UEVLD: variants seen among roughly 807,000 people sequenced by gnomAD.
UEVLD encodes UEV and lactate/malate dehyrogenase domains, also known as ubiquitin-conjugating enzyme E2 variant 3.
A neutral mutation model predicts 58.6 loss-of-function variants in UEVLD; 47 were observed. That is an observed-to-expected ratio of 0.80 (90% CI 0.63 to 1.02). The LOEUF is 1.02. Among genes scored for constraint, UEVLD ranks in the 50% least tolerant of loss-of-function variants. UEVLD has a pLI of 0.00. For synonymous variants in UEVLD, 197 were observed against 195.3 expected (o/e 1.01, Z -0.07); for missense variants, 510 against 550.6 (o/e 0.93, Z 0.74).
At chr11:18,542,778 G>C (rs1257805361) in intron 9 of UEVLD, among the ~76,000 whole-genome samples, 2 of 151,618 alleles carry the variant, frequency 1.3e-5, no homozygotes, top group Non-Finnish European at 2.9e-5. Flanking sequence ...GATTTGCTTT[G>C]TGGAAATATG....
At chr11:18,568,276 A>G (rs948063467) in intron 4 of UEVLD, among the ~76,000 whole-genome samples, 5 of 152,262 alleles carry the variant, frequency 3.3e-5, no homozygotes, top group Non-Finnish European at 7.3e-5. Context: ...TTATTAAACA[A>G]ACAAAATTAT....
chr11:18,572,022 A>G (rs975573162), intron 3 of UEVLD, among the ~76,000 whole-genome samples: 5 of 152,098 alleles, frequency 3.3e-5, no homozygotes, highest in African/African-American at 4.8e-5. Context: ...AGATCACGAG[A>G]TCAGGAGATC....
chr11:18,577,039 A>G (rs907859651), intron 2 of UEVLD, among the ~76,000 whole-genome samples: 2 of 151,994 alleles, frequency 1.3e-5, no homozygotes, highest in Non-Finnish European at 2.9e-5. Context: ...AAAAATTAGC[A>G]GGGCGTGGTG....
Position 18,570,243 on chromosome 11 carries a change from A to C in UEVLD, c.328T>G (p.Tyr110Asp), listed in dbSNP as rs761273045. The C allele has an allele frequency of 6.2e-7, 1 of 1,606,390 alleles. No homozygotes were observed. The highest frequency in any genetic ancestry group is 1.1e-5 in the South Asian group (1 of 89,182). The change falls in exon 4 of 12, where the codon TAT (tyrosine) becomes GAT (aspartate). Residue 110 changes from tyrosine (Y) to aspartate (D), a missense_variant. Coordinates refer to ENST00000396197, the MANE Select transcript of UEVLD (RefSeq NM_001040697.4). ...CTCCAGTTTTGGAGATAGGGCAAAT[A>C]TATTCTGCCTTGAGCATCCACATGT... ...GKHVDAQGRI[Y>D]LPYLQNWSHP...
intron 7 of UEVLD, 129 bp downstream of exon 7, chr11:18,558,099 T>C (rs1343519126): frequency 1.7e-6 from 1 of 572,850 alleles, no homozygotes; most frequent in African/African-American, 1.9e-5. Flanking sequence ...TATTTCAATC[T>C]TAGTTTCCCA....
intron 1 of UEVLD, among the ~76,000 whole-genome samples, chr11:18,585,257 T>C (rs1853487485): frequency 1.3e-5 from 2 of 152,198 alleles, no homozygotes; most frequent in Non-Finnish European, 2.9e-5. Context: ...GTCTCTTATT[T>C]GTGTATTATT....
rs865937493 is a variant in UEVLD at position 18,537,324 on chromosome 11, A to T, written c.1061-855T>A. On this transcript the variant is annotated intron_variant, in intron 9 of 11. Coordinates refer to ENST00000396197, the MANE Select transcript of UEVLD (RefSeq NM_001040697.4). ...TGGAAATTTCTTTATATATATATAT[A>T]TTTTTTTTTTTTTTTCTTTTTCTTT... is the stretch of plus-strand genomic sequence containing the variant. Among the ~76,000 whole-genome samples, 50 of 131,560 alleles carry T rather than the reference A, an allele frequency of 3.8e-4. 1 individual carries two copies. The highest frequency in any genetic ancestry group is 1.4e-3 in the South Asian group (6 of 4,328). 86.3% of individuals were successfully genotyped at this position (131,560 alleles called of 152,430 possible).
chr11:18,552,348 C>G (rs1851563737), intron 7 of UEVLD, among the ~76,000 whole-genome samples: 1 of 152,002 alleles, frequency 6.6e-6, no homozygotes, highest in Non-Finnish European at 1.5e-5. Flanking sequence ...AGTTTTGAGA[C>G]CAGCCTGAGA....
intron 7 of UEVLD, 131 bp downstream of exon 7, chr11:18,558,097 T>A: frequency 1.8e-6 from 1 of 566,720 alleles, no homozygotes; most frequent in Non-Finnish European, 2.9e-6. Flanking sequence ...CTTATTTCAA[T>A]CTTAGTTTCC....
chr11:18,579,590 G>C (rs1250706070), intron 1 of UEVLD: 1 of 701,358 alleles, frequency 1.4e-6, no homozygotes, highest in Non-Finnish European at 1.8e-6. Context: ...ACAAAAGCAT[G>C]CAAGTTTTGT....
intron 8 of UEVLD, among the ~76,000 whole-genome samples, chr11:18,546,625 A>G (rs1229882631): frequency 2.6e-5 from 4 of 151,696 alleles, no homozygotes; most frequent in African/African-American, 7.3e-5. Flanking sequence ...CAGCCTTCCA[A>G]GTAGCCGGGA....
At chr11:18,554,586 T>C (rs1483535398) in intron 7 of UEVLD, among the ~76,000 whole-genome samples, 2 of 151,100 alleles carry the variant, frequency 1.3e-5, no homozygotes, top group African/African-American at 4.9e-5. Context: ...TTAGTAGAGA[T>C]GGGTTTCCAC....
intron 10 of UEVLD, among the ~76,000 whole-genome samples, chr11:18,535,042 T>G (rs1432526988): frequency 2.6e-5 from 4 of 152,226 alleles, no homozygotes; most frequent in African/African-American, 9.6e-5. Context: ...GATTTACATG[T>G]ACAATGTGCA....
intron 7 of UEVLD, among the ~76,000 whole-genome samples, chr11:18,548,894 T>C (rs1016429486): frequency 6.6e-6 from 1 of 152,218 alleles, no homozygotes; most frequent in African/African-American, 2.4e-5. Flanking sequence ...TCTTAAGTAA[T>C]TCCTATGTTG....
In UEVLD at chr11:18,571,013, A is replaced by G. The variant is rs188856017; in HGVS notation, c.194-636T>C. On this transcript the variant is annotated intron_variant, in intron 3 of 11. Coordinates refer to ENST00000396197, the MANE Select transcript of UEVLD (RefSeq NM_001040697.4). ...AGAGTGGCAGCCCAAATCCTGATGGAGTCACTTCCTACATTAATCACTACA... is the reference window on the plus strand; with the variant it reads ...AGAGTGGCAGCCCAAATCCTGATGGGGTCACTTCCTACATTAATCACTACA... Among the ~76,000 whole-genome samples the G allele has an allele frequency of 2.4e-3, 370 of 152,048 alleles. 3 individuals are homozygous for G. Among genetic ancestry groups the G allele is most frequent in the African/African-American group, 8.6e-3 (358 of 41,500 alleles).
rs145844516 is a variant in UEVLD at position 18,570,328 on chromosome 11, A to T, written c.243T>A (p.Pro81=). 173 of 1,581,626 alleles carry T rather than the reference A, an allele frequency of 1.1e-4. No homozygotes were observed. The highest frequency in any genetic ancestry group is 1.2e-4 in the Admixed American group (6 of 49,450). ...PIRFWILDSH[P]FAPPICFLKP... is the part of the protein sequence containing the mutation. ...TCAAGAAGCAAATAGGGGGAGCGAAAGGGTGAGAATCCAAAATCCAGAAAC... is the reference window on the plus strand; with the variant it reads ...TCAAGAAGCAAATAGGGGGAGCGAATGGGTGAGAATCCAAAATCCAGAAAC... Residue 81 remains proline, a synonymous_variant, in exon 4 of 12, where the codon CCT becomes CCA. Coordinates refer to ENST00000396197, the MANE Select transcript of UEVLD (RefSeq NM_001040697.4).
intron 8 of UEVLD, among the ~76,000 whole-genome samples, chr11:18,546,105 T>C (rs2133977463): frequency 6.6e-6 from 1 of 152,324 alleles, no homozygotes; most frequent in Non-Finnish European, 1.5e-5. Flanking sequence ...TGTTCACCAA[T>C]TTGAGCCCAG....
intron 6 of UEVLD, among the ~76,000 whole-genome samples, chr11:18,560,626 AT>A (rs1851989288): frequency 6.6e-6 from 1 of 152,222 alleles, no homozygotes; most frequent in African/African-American, 2.4e-5. Context: ...ACGAGACAAT[AT>A]AGTGGTTTAT....
Position 18,536,397 on chromosome 11 carries a change from C to A in UEVLD, c.1124+9G>T. On this transcript the variant is annotated intron_variant, in intron 10 of 11. Transcript: ENST00000396197. ...CGTTGGATAAATGCAAATTTCCAGTCAGTGTTACCTGTTGGACAGCTGCAC... is the reference window on the plus strand; with the variant it reads ...CGTTGGATAAATGCAAATTTCCAGTAAGTGTTACCTGTTGGACAGCTGCAC... 1.2e-6 allele frequency: 2 copies of A among 1,613,162 alleles called. No homozygotes were observed. The highest frequency in any genetic ancestry group is 2.2e-5 in the South Asian group (2 of 91,020).
Sources: gnomAD v4.1 joint callset for allele counts (sites outside exome capture counted in the v4.1 genomes callset) on GRCh38, gnomAD v4.1.1 for gene constraint, MANE v1.5 for transcripts, NCBI Gene and HGNC (gene_info 2026-07-23, HGNC 2026-07-21) for gene names.